The following NRXN3 variants were observed in gnomAD, a reference collection of about 807,000 sequenced individuals.
NRXN3 encodes neurexin III.
In NRXN3, 32 loss-of-function variants were observed where a neutral mutation model predicts 137.6. The observed-to-expected ratio is 0.23, with a 90% CI of 0.18 to 0.31. The LOEUF (loss-of-function observed/expected upper bound fraction) is 0.31. Among genes scored for constraint, NRXN3 ranks in the 10% least tolerant of loss-of-function variants. The probability of loss-of-function intolerance (pLI) is 1.00; values close to 1 mark genes in which losing one functional copy is unlikely to be tolerated. For missense variants in NRXN3, 1,574 were observed against 2,062.5 expected, an observed-to-expected ratio of 0.76 and a Z score of 4.59; for synonymous variants, 798 against 784.5, an observed-to-expected ratio of 1.02 and a Z score of -0.29.
intron 5 of NRXN3, among the ~76,000 whole-genome samples, chr14:78,650,130 A>T (rs1468492561): frequency 6.6e-6 from 1 of 152,028 alleles, no homozygotes; most frequent in African/African-American, 2.4e-5. Context: ...GGTGGCAGGC[A>T]GAGAAAAGAC....
intron 16 of NRXN3, among the ~76,000 whole-genome samples, chr14:79,662,461 T>G (rs1371061926): frequency 6.6e-6 from 1 of 152,086 alleles, no homozygotes; most frequent in East Asian, 1.9e-4. Context: ...GAGTCAGAGT[T>G]TTAATAGCAT....
intron 4 of NRXN3, among the ~76,000 whole-genome samples, chr14:78,465,673 G>A (rs2095079398): frequency 6.6e-6 from 1 of 151,522 alleles, no homozygotes; most frequent in African/African-American, 2.4e-5. Flanking sequence ...GAGTAGCTGG[G>A]ACAGGCATGC....
At chr14:79,064,428 GGAA>G (rs1489332127) in intron 15 of NRXN3, among the ~76,000 whole-genome samples, 4 of 152,000 alleles carry the variant, frequency 2.6e-5, no homozygotes, top group African/African-American at 9.7e-5. Flanking sequence ...GGAAAGTTGA[GGAA>G]GAACAGTAGG....
At chr14:79,496,171 A>C (rs2096764464) in intron 16 of NRXN3, among the ~76,000 whole-genome samples, 1 of 151,996 alleles carries the variant, frequency 6.6e-6, no homozygotes, top group African/African-American at 2.4e-5. Context: ...GAAAGGAAAA[A>C]AATCAGATAA....
In NRXN3 at chr14:79,349,585, C is replaced by CACAG. The variant is rs527959549; in HGVS notation, c.3263-117632_3263-117629dup. ...ACACACACACACACACACACACACA[C>CACAG]ACAGACAATATTATACATAATATGT... is the stretch of plus-strand genomic sequence containing the variant. On this transcript the variant is annotated intron_variant, in intron 15 of 20. Transcript: ENST00000335750. Among the ~76,000 whole-genome samples, 11 of 129,582 alleles carry CACAG rather than the reference C, an allele frequency of 8.5e-5. No individual in the cohort carries two copies. In the South Asian group the frequency reaches 2.6e-3, roughly 30 times the overall value. 85.0% of individuals were successfully genotyped at this position (129,582 alleles called of 152,430 possible). A position where few individuals can be genotyped will look rare whatever the true frequency, so the allele number is the denominator to read the frequency against.
At chr14:79,053,879 G>T (rs1220323545) in intron 15 of NRXN3, among the ~76,000 whole-genome samples, 1 of 151,988 alleles carries the variant, frequency 6.6e-6, no homozygotes, top group African/African-American at 2.4e-5. Context: ...ATGCCACATT[G>T]GGAATGGAAA....
intron 15 of NRXN3, among the ~76,000 whole-genome samples, chr14:79,306,354 T>C (rs927953982): frequency 1.3e-5 from 2 of 152,096 alleles, no homozygotes; most frequent in African/African-American, 4.8e-5. Context: ...GCCACTTTCA[T>C]GTCCCTTCCC....
intron 19 of NRXN3, among the ~76,000 whole-genome samples, chr14:79,783,609 C>T (rs1239622778): frequency 2.0e-5 from 3 of 152,084 alleles, no homozygotes; most frequent in Non-Finnish European, 4.4e-5. Flanking sequence ...AAAATCCTTT[C>T]GTCTGGATGC....
intron 15 of NRXN3, among the ~76,000 whole-genome samples, chr14:79,089,941 A>G (rs1293171718): frequency 6.6e-6 from 1 of 152,158 alleles, no homozygotes; most frequent in African/African-American, 2.4e-5. Context: ...ATAAAGTAGG[A>G]ATTTTGCATT....
At chr14:79,341,488 G>A (rs893137427) in intron 15 of NRXN3, among the ~76,000 whole-genome samples, 6 of 152,176 alleles carry the variant, frequency 3.9e-5, no homozygotes, top group Non-Finnish European at 8.8e-5. Context: ...CAGACCCACT[G>A]AAAGAGAATC....
At chr14:78,291,801 GA>G (rs1053976807) in intron 3 of NRXN3, among the ~76,000 whole-genome samples, 10 of 152,062 alleles carry the variant, frequency 6.6e-5, no homozygotes, top group Non-Finnish European at 1.3e-4. Flanking sequence ...ACTTCGCTAT[GA>G]AAAAAAGAGA....
intron 15 of NRXN3, among the ~76,000 whole-genome samples, chr14:79,026,956 AT>A (rs2099599284): frequency 0.026 from 4 of 154 alleles, no homozygotes; most frequent in African/African-American, 0.045. Context: ...AATTTTATAT[AT>A]ATATATATAT....
At chr14:78,208,881 C>T (rs924446022) in intron 1 of NRXN3, among the ~76,000 whole-genome samples, 2 of 152,168 alleles carry the variant, frequency 1.3e-5, no homozygotes, top group Admixed American at 6.5e-5. Context: ...ATTTGTAGTT[C>T]GCGTATGTGT....
intron 16 of NRXN3, among the ~76,000 whole-genome samples, chr14:79,616,128 G>A (rs992622332): frequency 2.0e-5 from 3 of 152,092 alleles, no homozygotes; most frequent in African/African-American, 7.2e-5. Context: ...AACTGACAAG[G>A]TCAGATTTGC....
intron 15 of NRXN3, among the ~76,000 whole-genome samples, chr14:79,000,078 G>T (rs2099538306): frequency 6.6e-6 from 1 of 152,068 alleles, no homozygotes; most frequent in Admixed American, 6.6e-5. Context: ...GGAGAATTCA[G>T]TCAAACCTTG....
chr14:79,087,337 G>T (rs8018180), intron 15 of NRXN3, among the ~76,000 whole-genome samples: 76,519 of 151,970 alleles, frequency 0.5, 22,485 homozygotes, highest in East Asian at 0.78. Flanking sequence ...CTGGCTCTGG[G>T]TCTCTCCTTC....
At chr14:79,370,312 G>T (rs972600138) in intron 15 of NRXN3, among the ~76,000 whole-genome samples, 20 of 137,512 alleles carry the variant, frequency 1.5e-4, no homozygotes, top group African/African-American at 4.7e-4. Context: ...TGTTTTTTTG[G>T]GTTTTTTTTT....
Position 78,335,065 on chromosome 14 carries a change from G to A in NRXN3, c.757+37205G>A, listed in dbSNP as rs534906979. Among the ~76,000 whole-genome samples the A allele has an allele frequency of 2.6e-5, 4 of 152,136 alleles. 1 individual carries two copies. The highest frequency in any genetic ancestry group is 4.4e-5 in the Non-Finnish European group (3 of 67,988). On this transcript the variant is annotated intron_variant, in intron 4 of 20. Transcript: ENST00000335750. ...CGTCATCCCAGGCTCTCACCCCAAG[G>A]CCACTCTTCTCTAGTTTCAAGCCCA...
intron 16 of NRXN3, among the ~76,000 whole-genome samples, chr14:79,534,926 C>A (rs1450661660): frequency 6.6e-6 from 1 of 152,142 alleles, no homozygotes; most frequent in South Asian, 2.1e-4. Context: ...GGTCTGACAT[C>A]CTGTTAAAAG....
Sources: allele counts gnomAD v4.1 joint callset (sites outside exome capture counted in the v4.1 genomes callset), GRCh38; gene constraint gnomAD v4.1.1; transcripts MANE v1.5; gene names NCBI Gene and HGNC (gene_info 2026-07-23, HGNC 2026-07-21).